Variants in CFAP77 observed in about 807,000 individuals in gnomAD.
The protein encoded by CFAP77 is cilia- and flagella-associated protein 77.
CFAP77 carries 25 observed loss-of-function variants against 31.1 expected under a neutral mutation model. The observed-to-expected ratio is 0.80, with a 90% confidence interval of 0.59 to 1.12. The LOEUF is 1.12. Among genes scored for constraint, CFAP77 ranks in the 50% most tolerant of loss-of-function variants. The pLI is 0.00. For missense variants in CFAP77, 377 were observed against 397.3 expected, an observed-to-expected ratio of 0.95 and a Z score of 0.44; for synonymous variants, 151 against 159.9, an observed-to-expected ratio of 0.94 and a Z score of 0.42.
intron 1 of CFAP77, among the ~76,000 whole-genome samples, chr9:132,478,266 G>A (rs559031293): frequency 6.6e-6 from 1 of 152,186 alleles, no homozygotes; most frequent in South Asian, 2.1e-4. Flanking sequence ...AGTTCTGTGG[G>A]TCCTTCTGGC....
chr9:132,438,503 T>TG, intron 1 of CFAP77, among the ~76,000 whole-genome samples: 1 of 143,344 alleles, frequency 7.0e-6, no homozygotes, highest in South Asian at 2.2e-4. Flanking sequence ...CTCCTTTATT[T>TG]GGGGGAACAG....
rs997586140 is a variant in CFAP77 at position 132,480,516 on chromosome 9, C to T, written c.196-18179C>T. 2.0e-5 allele frequency among the ~76,000 whole-genome samples: 3 copies of T among 152,220 alleles called. No homozygotes were observed. Among genetic ancestry groups the T allele is most frequent in the Non-Finnish European group, 2.9e-5 (2 of 68,044 alleles). ...CATGTGCTGAAGACCTACTGTGTGC[C>T]GGGCACCGGAGACGCCACAGCAAAT... On this transcript the variant is annotated intron_variant, in intron 1 of 5. Transcript: ENST00000393216. This position sits in a 1 kb window ranked among gnomAD's most constrained non-coding sequence, Gnocchi z 5.8.
chr9:132,410,217 C>A lies in CFAP77; in HGVS notation c.-55C>A, dbSNP rs977742737. On this transcript the variant is annotated 5_prime_UTR_variant, in exon 1 of 6. Coordinates refer to ENST00000393216, the MANE Select transcript of CFAP77 (RefSeq NM_001282957.2). ...CTTCGGAGCTCCAGGCTGTGCCCGA[C>A]GTGGGGAAGCGCGCCCAAACCAGCC... 2.1e-6 allele frequency: 3 copies of A among 1,445,344 alleles called. No homozygotes were observed. Among genetic ancestry groups the A allele is most frequent in the African/African-American group, 3.0e-5 (2 of 67,572 alleles). 89.5% of individuals were successfully genotyped at this position (1,445,344 alleles called of 1,614,324 possible). A position where few individuals can be genotyped will look rare whatever the true frequency, so the allele number is the denominator to read the frequency against.
intron 1 of CFAP77, among the ~76,000 whole-genome samples, chr9:132,442,054 A>G (rs1197973495): frequency 6.6e-6 from 1 of 152,172 alleles, no homozygotes; most frequent in Non-Finnish European, 1.5e-5. Flanking sequence ...TTTGGCACCT[A>G]CTACTATGTG....
intron 1 of CFAP77, among the ~76,000 whole-genome samples, chr9:132,496,896 T>A (rs1770029615): frequency 6.6e-6 from 1 of 152,168 alleles, no homozygotes; most frequent in East Asian, 1.9e-4. Flanking sequence ...GGTCTGCATG[T>A]GCATTCATGG....
chr9:132,505,065 T>C (rs982197596), intron 3 of CFAP77, among the ~76,000 whole-genome samples: 3 of 152,228 alleles, frequency 2.0e-5, no homozygotes, highest in Non-Finnish European at 1.5e-5. Context: ...TTACTCACAA[T>C]TACAGACGTG....
intron 1 of CFAP77, among the ~76,000 whole-genome samples, chr9:132,489,882 C>T (rs771793442): frequency 3.3e-5 from 5 of 152,136 alleles, no homozygotes; most frequent in Non-Finnish European, 7.4e-5. Flanking sequence ...GTCAGTTTCA[C>T]GGATGTCAGA....
chr9:132,465,917 G>T (rs1168650619), intron 1 of CFAP77, among the ~76,000 whole-genome samples: 1 of 152,150 alleles, frequency 6.6e-6, no homozygotes, highest in African/African-American at 2.4e-5. Flanking sequence ...AGGCAGTGAT[G>T]AACTGACAGG....
intron 1 of CFAP77, among the ~76,000 whole-genome samples, chr9:132,439,549 T>C (rs1452336997): frequency 6.6e-6 from 1 of 151,968 alleles, no homozygotes; most frequent in Non-Finnish European, 1.5e-5. Context: ...TTACTCTGGG[T>C]AAGATGCTCT....
In CFAP77 at chr9:132,555,795, C is replaced by T. The variant is rs532905896; in HGVS notation, c.732+12748C>T. Among the ~76,000 whole-genome samples, 11 of 152,218 alleles carry T rather than the reference C, an allele frequency of 7.2e-5. 1 individual carries two copies. The highest frequency in any genetic ancestry group is 6.5e-4 in the Admixed American group (10 of 15,282). ...TGCATGTGTTGTCTTGTCAGAGAAGCAGAAAGCAGCAAATGAGATCTCCGC... is the reference window on the plus strand; with the variant it reads ...TGCATGTGTTGTCTTGTCAGAGAAGTAGAAAGCAGCAAATGAGATCTCCGC... On this transcript the variant is annotated intron_variant, in intron 5 of 5. Coordinates refer to ENST00000393216, the MANE Select transcript of CFAP77 (RefSeq NM_001282957.2).
intron 3 of CFAP77, among the ~76,000 whole-genome samples, chr9:132,519,429 TGGG>T: frequency 8.9e-6 from 1 of 112,952 alleles, no homozygotes; most frequent in Non-Finnish European, 1.8e-5. Flanking sequence ...GATGGATGAG[TGGG>T]TGGGTGGATG....
At chr9:132,513,017 T>C (rs149319109) in intron 3 of CFAP77, among the ~76,000 whole-genome samples, 108 of 152,288 alleles carry the variant, frequency 7.1e-4, no homozygotes, top group African/African-American at 2.5e-3. Flanking sequence ...ATTTTTTTAA[T>C]TTAAAAAAAA....
Sources: allele counts gnomAD v4.1 joint callset (sites outside exome capture counted in the v4.1 genomes callset), GRCh38; gene constraint gnomAD v4.1.1; non-coding constraint Gnocchi (gnomAD v3.1); transcripts MANE v1.5; gene names NCBI Gene and HGNC (gene_info 2026-07-23, HGNC 2026-07-21).